The following PCBP3 variants were observed in gnomAD, a reference collection of about 807,000 sequenced individuals.
PCBP3 encodes poly(rC) binding protein 3.
Under a neutral mutation model 52.7 loss-of-function variants are expected in PCBP3, and 25 were observed. The observed-to-expected ratio is 0.47, with a 90% CI of 0.35 to 0.66. The LOEUF (loss-of-function observed/expected upper bound fraction) is 0.66. Ranked by LOEUF, PCBP3 falls within the 30% of genes least tolerant of loss-of-function variation. PCBP3 has a pLI of 0.01. For synonymous variants in PCBP3, 162 were observed against 183.0 expected, an observed-to-expected ratio of 0.89 and a Z score of 0.93; for missense variants, 391 against 490.3, an observed-to-expected ratio of 0.80 and a Z score of 1.91.
At chr21:45,762,813 C>G (rs998723991) in intron 4 of PCBP3, 1 of 152,072 alleles carries the variant, frequency 6.6e-6, no homozygotes, top group African/African-American at 2.4e-5. Flanking sequence ...AGAGATGTAT[C>G]CAACAATCTG....
intron 5 of PCBP3, among the ~76,000 whole-genome samples, chr21:45,867,405 C>T (rs2148553973): frequency 6.6e-6 from 1 of 152,366 alleles, no homozygotes; most frequent in South Asian, 2.1e-4. Context: ...TAGTCACCAG[C>T]ATACAGGACC....
intron 5 of PCBP3, chr21:45,869,433 T>G (rs1458767557): frequency 6.6e-6 from 1 of 152,426 alleles, no homozygotes; most frequent in East Asian, 1.9e-4. Flanking sequence ...TTCTCTTCCT[T>G]CCTTCTCTTC....
At position 45,880,052 on chromosome 21, in the gene PCBP3, G is replaced by C. The variant is rs1057184155; in HGVS notation, c.11-16156G>C. Among the ~76,000 whole-genome samples the C allele has an allele frequency of 2.0e-5, 3 of 152,214 alleles. No individual in the cohort carries two copies. Among genetic ancestry groups the C allele is most frequent in the African/African-American group, 7.2e-5 (3 of 41,448 alleles). On this transcript the variant is annotated intron_variant, in intron 5 of 17. Transcript: ENST00000681687. This position sits in a 1 kb window ranked among gnomAD's most constrained non-coding sequence, Gnocchi z 5.4. ...TTCAAGAGCTTGCAAAACGGTGGCA[G>C]TTCTCTGCTGTCTGCGTTTGTTGTG...
At chr21:45,833,494 T>C (rs1403205341) in intron 4 of PCBP3, among the ~76,000 whole-genome samples, 1 of 152,242 alleles carries the variant, frequency 6.6e-6, no homozygotes, top group African/African-American at 2.4e-5. Flanking sequence ...CCCTGGCAGC[T>C]TATTCACAAA....
At chr21:45,910,688 G>A (rs745657043) in intron 10 of PCBP3, among the ~76,000 whole-genome samples, 38 of 152,254 alleles carry the variant, frequency 2.5e-4, no homozygotes, top group Middle Eastern at 3.4e-3. Context: ...TGCCAAGTGC[G>A]CCCGAGGGAA....
intron 2 of PCBP3, among the ~76,000 whole-genome samples, chr21:45,721,633 T>A (rs1191633117): frequency 6.6e-6 from 1 of 152,220 alleles, no homozygotes; most frequent in African/African-American, 2.4e-5. Context: ...CTTATCTAAA[T>A]GTATTTGCTT....
chr21:45,859,730 G>A (rs1227193525), intron 5 of PCBP3: 3 of 152,334 alleles, frequency 2.0e-5, no homozygotes, highest in African/African-American at 7.2e-5. Flanking sequence ...GTGCGCCTTT[G>A]GGGATCGTGC....
At chr21:45,697,675 G>T (rs1440891416) in intron 2 of PCBP3, among the ~76,000 whole-genome samples, 7 of 151,752 alleles carry the variant, frequency 4.6e-5, no homozygotes, top group Non-Finnish European at 8.8e-5. Flanking sequence ...AGCCTGGCCG[G>T]TGAAGGCTGC....
chr21:45,854,867 G>A (rs780008574), intron 5 of PCBP3, among the ~76,000 whole-genome samples: 10 of 152,212 alleles, frequency 6.6e-5, no homozygotes, highest in African/African-American at 1.9e-4. Flanking sequence ...CCTCTGCCCC[G>A]CGGAATGCAG....
intron 4 of PCBP3, among the ~76,000 whole-genome samples, chr21:45,849,503 A>G (rs997799819): frequency 2.0e-5 from 3 of 152,014 alleles, no homozygotes; most frequent in Admixed American, 2.0e-4. Context: ...ACCACATCCA[A>G]CCTCAAATGT....
chr21:45,769,928 G>A (rs940909086), intron 4 of PCBP3, among the ~76,000 whole-genome samples: 2 of 152,236 alleles, frequency 1.3e-5, no homozygotes, highest in Non-Finnish European at 2.9e-5. Flanking sequence ...TATTGAGTCT[G>A]TGGGAAGACA....
intron 3 of PCBP3, chr21:45,744,177 C>G (rs2146121232): frequency 6.6e-6 from 1 of 151,488 alleles, no homozygotes; most frequent in South Asian, 2.1e-4. Context: ...CGTCATTTTT[C>G]AGTCTTTAAA....
In PCBP3 at chr21:45,736,659, C is replaced by T. The variant is rs1045970940; in HGVS notation, c.-162+1230C>T. Among the ~76,000 whole-genome samples, 3 of 152,106 alleles carry T rather than the reference C, an allele frequency of 2.0e-5. No homozygotes were observed. The highest frequency in any genetic ancestry group is 7.2e-5 in the African/African-American group (3 of 41,420). On this transcript the variant is annotated intron_variant, in intron 3 of 17. Transcript: ENST00000681687. The surrounding 1 kb of genome is among the most constrained non-coding windows in gnomAD (Gnocchi z 4.6). ...CTGTGCTCCTAGGTGCTTAGGCTTGCAGGTGACTGGAATCCTGACTAATAT... is the reference window on the plus strand; with the variant it reads ...CTGTGCTCCTAGGTGCTTAGGCTTGTAGGTGACTGGAATCCTGACTAATAT...
chr21:45,660,812 A>G (rs2147062173), intron 1 of PCBP3, among the ~76,000 whole-genome samples: 1 of 152,164 alleles, frequency 6.6e-6, no homozygotes, highest in South Asian at 2.1e-4. Context: ...GCCGACGCGG[A>G]CAGATCACTT....
intron 13 of PCBP3, among the ~76,000 whole-genome samples, chr21:45,926,711 C>T (rs1290329922): frequency 2.0e-5 from 3 of 152,282 alleles, no homozygotes; most frequent in Admixed American, 2.0e-4. Flanking sequence ...CTGCCATAAA[C>T]AAAAATCATT....
chr21:45,725,026 T>G (rs1460125331), intron 2 of PCBP3, among the ~76,000 whole-genome samples: 1 of 152,180 alleles, frequency 6.6e-6, no homozygotes, highest in Non-Finnish European at 1.5e-5. Flanking sequence ...GGTGTAACAT[T>G]TTGCTTGGGT....
chr21:45,738,534 G>A (rs779946960), intron 3 of PCBP3, among the ~76,000 whole-genome samples: 113 of 152,178 alleles, frequency 7.4e-4, no homozygotes, highest in Admixed American at 2.6e-3. Flanking sequence ...GATTCCAGTC[G>A]TGAGCCACTG....
intron 4 of PCBP3, among the ~76,000 whole-genome samples, chr21:45,843,620 A>T (rs571534499): frequency 3.2e-4 from 48 of 152,242 alleles, no homozygotes; most frequent in African/African-American, 1.1e-3. Flanking sequence ...CTGTTTTCTG[A>T]TCTCATCTAT....
intron 2 of PCBP3, among the ~76,000 whole-genome samples, chr21:45,720,705 G>T (rs966713372): frequency 2.6e-5 from 4 of 152,142 alleles, no homozygotes; most frequent in African/African-American, 9.7e-5. Flanking sequence ...ACTCTTGTAG[G>T]GTTGCAATGG....
Sources: gnomAD v4.1 joint callset for allele counts (sites outside exome capture counted in the v4.1 genomes callset) on GRCh38, gnomAD v4.1.1 for gene constraint, Gnocchi (gnomAD v3.1) non-coding constraint, MANE v1.5 for transcripts, NCBI Gene and HGNC (gene_info 2026-07-23, HGNC 2026-07-21) for gene names.